ALX3: variants seen among roughly 807,000 people sequenced by gnomAD.
ALX3 encodes ALX homeobox 3, also known as homeobox protein aristaless-like 3.
A neutral mutation model predicts 26.3 loss-of-function variants in ALX3; 17 were observed. That is an observed-to-expected ratio of 0.65 (90% confidence interval 0.44 to 0.97). The LOEUF (loss-of-function observed/expected upper bound fraction) is 0.97. Ranked by LOEUF, ALX3 falls within the 50% of genes least tolerant of loss-of-function variation. ALX3 has a pLI of 0.00. For synonymous variants in ALX3, 208 were observed against 201.4 expected (o/e 1.03, Z -0.28); for missense variants, 461 against 466.5 (o/e 0.99, Z 0.11).
At chr1:110,070,015 G>C (rs1394754718) in intron 1 of ALX3, among the ~76,000 whole-genome samples, 5 of 152,178 alleles carry the variant, frequency 3.3e-5, no homozygotes, top group Admixed American at 6.5e-5. Flanking sequence ...CTTCGGCAGA[G>C]CATGCTCTCT....
chr1:110,062,645 G>GTGTGTGTGTGTGTGTGTGTGTGTGT (rs57279963), intron 2 of ALX3: 9 of 132,388 alleles, frequency 6.8e-5, no homozygotes, highest in African/African-American at 2.3e-4. Context: ...GTGTGTGTGT[G>GTGTGTGTGTGTGTGTGTGTGTGTGT]GAGTAATCCG....
At chr1:110,061,141 C>G in intron 3 of ALX3, 100 bp from the exon 4 acceptor site, 1 of 1,359,460 alleles carries the variant, frequency 7.4e-7, no homozygotes, top group Non-Finnish European at 1.0e-6. Context: ...CAGAAACTTT[C>G]CAGGAAACCT....
intron 2 of ALX3, 88 bp from the exon 3 acceptor site, chr1:110,061,651 T>C (rs1250358120): frequency 7.7e-5 from 121 of 1,567,242 alleles, no homozygotes; most frequent in Non-Finnish European, 9.8e-5. Context: ...TTGTGTCCTC[T>C]TGTGGGATGG....
chr1:110,061,581 G>A lies in ALX3; in HGVS notation c.595-18C>T. ...AACCAGACCTGGGGGCAGGTTGTGG[G>A]GGTTTGAGGGGGTGATAGGGCAGCC... On this transcript the variant is annotated intron_variant, in intron 2 of 3. Transcript: ENST00000647563. 6.2e-7 allele frequency: 1 copy of A among 1,613,962 alleles called. No individual in the cohort carries two copies. Among genetic ancestry groups the A allele is most frequent in the Non-Finnish European group, 8.5e-7 (1 of 1,180,020 alleles).
Position 110,060,957 on chromosome 1 carries a change from A to C in ALX3, c.808T>G (p.Cys270Gly), listed in dbSNP as rs760977295. 6.2e-7 allele frequency: 1 copy of C among 1,613,060 alleles called. No homozygotes were observed. The highest frequency in any genetic ancestry group is 8.5e-7 in the Non-Finnish European group (1 of 1,179,708). Residue 270 changes from cysteine (C) to glycine (G), a missense_variant, in exon 4 of 4, where the codon TGC (cysteine) becomes GGC (glycine). This residue lies in a region of ALX3 where 169 missense variants were observed against 178.0 expected (regional missense o/e 0.95). Transcript: ENST00000647563. ...TGGGGGTGGGAATATGGAGACATGC[A>C]TGGGGAGGGGATGCCCTCTGGAGAC... The part of the protein sequence containing the change: ...LVSPEGIPSP[C>G]MSPYSHPHGS...
At chr1:110,061,792 C>A in intron 2 of ALX3, 1 of 615,982 alleles carries the variant, frequency 1.6e-6, no homozygotes, top group African/African-American at 1.8e-5. Flanking sequence ...CTCCAGCTGT[C>A]ACTCCCCAGG....
At chr1:110,061,143 A>G (rs1653631308) in intron 3 of ALX3, 102 bp from the exon 4 acceptor site, 1 of 1,352,176 alleles carries the variant, frequency 7.4e-7, no homozygotes, top group Non-Finnish European at 1.0e-6. Flanking sequence ...GAAACTTTCC[A>G]GGAAACCTCC....
In ALX3 at chr1:110,070,505, A is replaced by C; in HGVS notation, c.108T>G (p.Pro36=). 1 of 1,278,378 alleles carries C rather than the reference A, an allele frequency of 7.8e-7. No homozygotes were observed. The highest frequency in any genetic ancestry group is 9.9e-7 in the Non-Finnish European group (1 of 1,013,584). 79.2% of individuals were successfully genotyped at this position (1,278,378 alleles called of 1,614,324 possible). A position where few individuals can be genotyped will look rare whatever the true frequency, so the allele number is the denominator to read the frequency against. ...CGCGGGGCGGCGCGGGGTGCAGGTG[A>C]GGCGCAGCGGCGGGGGTTCCCTGCG... ...PGPQGTPAAA[P]HLHPAPPRGP... Residue 36 remains proline (P), a synonymous_variant, in exon 1 of 4, where the codon CCT becomes CCG. Transcript: ENST00000647563.
intron 3 of ALX3, 173 bp downstream of exon 3, chr1:110,061,262 C>A (rs1002683853): frequency 2.6e-6 from 3 of 1,172,324 alleles, no homozygotes; most frequent in East Asian, 5.1e-5. Context: ...CCTTTGTGTT[C>A]CGCATGCGTC....
At chr1:110,066,713 G>A (rs916791388) in intron 1 of ALX3, among the ~76,000 whole-genome samples, 1 of 152,078 alleles carries the variant, frequency 6.6e-6, no homozygotes, top group Non-Finnish European at 1.5e-5. Flanking sequence ...AGGGGTGAGG[G>A]TAGCTCAGGG....
At chr1:110,065,973 G>A (rs1401281479) in intron 1 of ALX3, among the ~76,000 whole-genome samples, 4 of 152,226 alleles carry the variant, frequency 2.6e-5, no homozygotes, top group South Asian at 2.1e-4. Context: ...CAGCTGAGAC[G>A]CCACAAAGAC....
intron 1 of ALX3, among the ~76,000 whole-genome samples, chr1:110,068,260 C>A (rs904202575): frequency 2.4e-4 from 37 of 152,240 alleles, no homozygotes; most frequent in Admixed American, 2.4e-3. Context: ...ACGCTCCGAG[C>A]CGGTTATTTT....
chr1:110,070,252 A>G, intron 1 of ALX3, 84 bp downstream of exon 1: 1 of 1,254,826 alleles, frequency 8.0e-7, no homozygotes, highest in Non-Finnish European at 1.0e-6. Context: ...AGCGGGAGAG[A>G]TAAGCAGGAA....
At chr1:110,068,124 G>T (rs1411314935) in intron 1 of ALX3, among the ~76,000 whole-genome samples, 1 of 152,234 alleles carries the variant, frequency 6.6e-6, no homozygotes, top group African/African-American at 2.4e-5. Flanking sequence ...GGGGCTGCGC[G>T]GGCGGCGGAC....
rs1405869653 is a variant in ALX3, at chr1:110,070,212, C to A, written c.277+124G>T. On this transcript the variant is annotated intron_variant, in intron 1 of 3. Coordinates refer to ENST00000647563, the MANE Select transcript of ALX3 (RefSeq NM_006492.3). The stretch of plus-strand genomic sequence containing the variant: ...CTTCCGTGGAAGCCGTGGCGAAAGG[C>A]GAGAGGGGCAAAAAGTTGAGAAATA... 3.6e-6 allele frequency: 4 copies of A among 1,114,074 alleles called. No homozygotes were observed. In the African/African-American group the frequency reaches 4.9e-5, roughly 14 times the overall value. 69.0% of individuals were successfully genotyped at this position (1,114,074 alleles called of 1,614,324 possible). A position where few individuals can be genotyped will look rare whatever the true frequency, so the allele number is the denominator to read the frequency against.
chr1:110,061,179 A>ACC (rs1220998555), intron 3 of ALX3, 138 bp from the exon 4 acceptor site: 2 of 1,076,458 alleles, frequency 1.9e-6, no homozygotes, highest in African/African-American at 3.2e-5. Context: ...ACCCCCTCTC[A>ACC]CCCCCAACAC....
chr1:110,070,479 C>A lies in ALX3; in HGVS notation c.134G>T (p.Gly45Val). 1 of 1,259,952 alleles carries A rather than the reference C, an allele frequency of 7.9e-7. No homozygotes were observed. The highest frequency in any genetic ancestry group is 2.9e-5 in the South Asian group (1 of 33,900). 78.0% of individuals were successfully genotyped at this position (1,259,952 alleles called of 1,614,324 possible). A position where few individuals can be genotyped will look rare whatever the true frequency, so the allele number is the denominator to read the frequency against. ...GGCCGGAAAGCGGGTCAGCCGCGGG[C>A]CGCGGGGCGGCGCGGGGTGCAGGTG... ...APHLHPAPPR[G>V]PRLTRFPACG... Residue 45 changes from glycine to valine, a missense_variant, in exon 1 of 4, where the codon GGC becomes GTC. Physicochemically the swap from Gly to Val is moderately radical, Grantham distance 109. Transcript: ENST00000647563.
intron 2 of ALX3, chr1:110,062,549 A>G (rs1653674821): frequency 2.7e-5 from 4 of 150,300 alleles, no homozygotes; most frequent in Admixed American, 2.0e-4. Context: ...CCAACCAAAC[A>G]AAACAACCCC....
intron 1 of ALX3, among the ~76,000 whole-genome samples, chr1:110,068,218 C>A (rs1367273735): frequency 1.3e-5 from 2 of 152,226 alleles, no homozygotes; most frequent in Non-Finnish European, 2.9e-5. Flanking sequence ...GCAGATGGGG[C>A]GCAGCTGCGC....
Sources: allele counts gnomAD v4.1 joint callset (sites outside exome capture counted in the v4.1 genomes callset), GRCh38; gene constraint gnomAD v4.1.1; regional missense constraint gnomAD v4.1.1; transcripts MANE v1.5; gene names NCBI Gene and HGNC (gene_info 2026-07-23, HGNC 2026-07-21).